Variants in MROH9 observed in about 807,000 individuals in gnomAD.
MROH9 encodes the protein maestro heat-like repeat-containing protein family member 9.
Under a neutral mutation model 98.2 loss-of-function variants are expected in MROH9, and 92 were observed. That is an observed-to-expected ratio of 0.94 (90% confidence interval 0.79 to 1.11). The LOEUF (loss-of-function observed/expected upper bound fraction) is 1.11, where lower values mean the gene tolerates loss of function less well. MROH9 is among the 50% of genes most tolerant of loss of function. The probability of loss-of-function intolerance (pLI) is 0.00; values close to 1 mark genes in which losing one functional copy is unlikely to be tolerated. For synonymous variants in MROH9, 397 were observed against 368.9 expected (o/e 1.08, Z -0.87); for missense variants, 1,057 against 1,014.8 (o/e 1.04, Z -0.57).
intron 8 of MROH9, among the ~76,000 whole-genome samples, chr1:170,972,825 A>ATAT (rs1491471283): frequency 1.2e-3 from 44 of 35,610 alleles, no homozygotes; most frequent in African/African-American, 3.5e-3. Context: ...AAAAAAAAAA[A>ATAT]AAATACACAC....
At position 171,018,551 on chromosome 1, in the gene MROH9, T is replaced by A. The variant is rs561621149; in HGVS notation, c.1908+2215T>A. On this transcript the variant is annotated intron_variant, in intron 17 of 21. Transcript: ENST00000367759. Reference sequence around the variant, plus strand: ...CAAGGACATAGAACTGGACGGAGGATGAGATGGACGAATTGACAGAAGTAG... The same window carrying A: ...CAAGGACATAGAACTGGACGGAGGAAGAGATGGACGAATTGACAGAAGTAG... Among the ~76,000 whole-genome samples, 9 of 152,176 alleles carry A rather than the reference T, an allele frequency of 5.9e-5. No individual in the cohort carries two copies. In the South Asian group the frequency reaches 1.9e-3, roughly 32 times the overall value.
intron 6 of MROH9, 64 bp from the exon 7 acceptor site, chr1:170,965,087 A>G: frequency 1.8e-6 from 2 of 1,124,116 alleles, no homozygotes; most frequent in Non-Finnish European, 2.6e-6. Flanking sequence ...GTTGAAGAAT[A>G]GAGGAAAGGT....
chr1:171,014,257 ATGTG>A lies in MROH9; in HGVS notation c.1734+5_1734+8del. 1.9e-6 allele frequency: 3 copies of A among 1,547,992 alleles called. No homozygotes were observed. Among genetic ancestry groups the A allele is most frequent in the Non-Finnish European group, 2.6e-6 (3 of 1,145,106 alleles). ...ACATGTCACCAATTATCAATAAGGTATGTGTATGTGATTTGTGTCTGCAAGCATC... is the reference window on the plus strand; with the variant it reads ...ACATGTCACCAATTATCAATAAGGTATATGTGATTTGTGTCTGCAAGCATC... On this transcript the variant is annotated splice_donor_5th_base_variant and intron_variant, in intron 16 of 21. Coordinates refer to ENST00000367759, the MANE Select transcript of MROH9 (RefSeq NM_001163629.2).
intron 20 of MROH9, among the ~76,000 whole-genome samples, chr1:171,045,597 T>C (rs1202864577): frequency 6.6e-6 from 1 of 152,216 alleles, no homozygotes; most frequent in Non-Finnish European, 1.5e-5. Context: ...ATTTGTATAG[T>C]TTCCAAAATT....
chr1:170,958,429 C>CTTCT lies in MROH9; in HGVS notation c.73-30_73-29insCTTT, dbSNP rs774545762. ...CACTGCTCTGTAATCATTAATTCTT[C>CTTCT]TTTTTTTTTTTTTTTTTAACATGGT... On this transcript the variant is annotated intron_variant, in intron 3 of 21. Coordinates refer to ENST00000367759, the MANE Select transcript of MROH9 (RefSeq NM_001163629.2). 3,721 of 989,014 alleles carry CTTCT rather than the reference C, an allele frequency of 3.8e-3. 2 individuals are homozygous for CTTCT. The highest frequency in any genetic ancestry group is 4.8e-3 in the South Asian group (267 of 55,658). The allele number at this position is 989,014 out of a possible 1,614,324, so 61.3% of individuals were successfully genotyped here.
At chr1:170,957,953 C>T (rs111578405) in intron 3 of MROH9, among the ~76,000 whole-genome samples, 8,765 of 152,090 alleles carry the variant, frequency 0.058, 362 homozygotes, top group Middle Eastern at 0.13. Flanking sequence ...GGACTACAGG[C>T]GCCCGCTACC....
At chr1:171,010,705 A>G (rs1010667849) in intron 15 of MROH9, among the ~76,000 whole-genome samples, 2 of 152,050 alleles carry the variant, frequency 1.3e-5, no homozygotes, top group African/African-American at 4.8e-5. Flanking sequence ...GCATTTTTTC[A>G]TATGTCTGTT....
intron 15 of MROH9, among the ~76,000 whole-genome samples, chr1:170,999,192 GGGTACA>G (rs1309507321): frequency 2.0e-5 from 3 of 151,876 alleles, no homozygotes. Context: ...TAAGTTATTG[GGGTACA>G]GGTGGTATTT....
Position 171,014,102 on chromosome 1 carries a change from A to G in MROH9, c.1597-15A>G, listed in dbSNP as rs972607044. 1 of 1,547,032 alleles carries G rather than the reference A, an allele frequency of 6.5e-7. No individual in the cohort carries two copies. The highest frequency in any genetic ancestry group is 1.4e-5 in the African/African-American group (1 of 72,862). ...CTCTACTTTGCTTATAAACTTATTA[A>G]CTATTTTCTTTCAGCTTCTGAATAA... On this transcript the variant is annotated splice_polypyrimidine_tract_variant and intron_variant, in intron 15 of 21. Coordinates refer to ENST00000367759, the MANE Select transcript of MROH9 (RefSeq NM_001163629.2).
intron 12 of MROH9, among the ~76,000 whole-genome samples, chr1:170,993,503 A>G (rs1379014758): frequency 6.6e-6 from 1 of 152,192 alleles, no homozygotes; most frequent in East Asian, 1.9e-4. Context: ...AACCATCAGT[A>G]TTGTTTCCTC....
At chr1:171,002,046 A>G (rs1279643198) in intron 15 of MROH9, among the ~76,000 whole-genome samples, 2 of 152,284 alleles carry the variant, frequency 1.3e-5, no homozygotes, top group African/African-American at 2.4e-5. Flanking sequence ...TTTGTCTGAT[A>G]TAAGAATAGC....
At chr1:170,985,484 T>A (rs1571477021) in intron 9 of MROH9, among the ~76,000 whole-genome samples, 2 of 152,280 alleles carry the variant, frequency 1.3e-5, no homozygotes, top group East Asian at 3.9e-4. Flanking sequence ...AAAGCAAACC[T>A]ACCATTTTAT....
At chr1:171,024,311 T>TGTGTGTGG in intron 17 of MROH9, 84 bp from the exon 18 acceptor site, 1 of 888,820 alleles carries the variant, frequency 1.1e-6, no homozygotes, top group Non-Finnish European at 1.8e-6. Context: ...GGGGTGTGTG[T>TGTGTGTGG]GTGTGTGTGT....
intron 6 of MROH9, among the ~76,000 whole-genome samples, chr1:170,962,507 T>A (rs1650053457): frequency 6.6e-6 from 1 of 152,152 alleles, no homozygotes; most frequent in African/African-American, 2.4e-5. Flanking sequence ...CTGCACTGCA[T>A]GTCTTGTGGT....
At position 171,016,234 on chromosome 1, in the gene MROH9, T is replaced by C; in HGVS notation, c.1806T>C (p.Leu602=). The C allele has an allele frequency of 6.5e-7, 1 of 1,541,958 alleles. No individual in the cohort carries two copies. Residue 602 remains leucine, a synonymous_variant, in exon 17 of 22, where the codon CTT becomes CTC. Transcript: ENST00000367759. ...TTTCCAAAGACGATAATGTTGTACT[T>C]CAGGCCTTGCTCACCCTTAGAAGGC... The part of the protein sequence containing the change: ...AFLSKDDNVV[L]QALLTLRRLL...
Position 170,986,728 on chromosome 1 carries a change from A to G in MROH9, c.879+18A>G. The G allele has an allele frequency of 6.2e-7, 1 of 1,611,368 alleles. No individual in the cohort carries two copies. Among genetic ancestry groups the G allele is most frequent in the Non-Finnish European group, 8.5e-7 (1 of 1,178,584 alleles). On this transcript the variant is annotated intron_variant, in intron 10 of 21. Coordinates refer to ENST00000367759, the MANE Select transcript of MROH9 (RefSeq NM_001163629.2). ...TCACCATGGTAAGATACTTGACAATAAGCAGGAGAGCACAGGGTTTACTCT... is the reference window on the plus strand; with the variant it reads ...TCACCATGGTAAGATACTTGACAATGAGCAGGAGAGCACAGGGTTTACTCT...
chr1:171,030,718 G>C (rs1402209804), intron 20 of MROH9, among the ~76,000 whole-genome samples: 1 of 152,102 alleles, frequency 6.6e-6, no homozygotes, highest in Non-Finnish European at 1.5e-5. Flanking sequence ...ATGTGGTCTA[G>C]TTTAGAATCA....
chr1:170,995,864 G>A (rs1343624644), intron 13 of MROH9, among the ~76,000 whole-genome samples: 1 of 152,064 alleles, frequency 6.6e-6, no homozygotes, highest in Non-Finnish European at 1.5e-5. Flanking sequence ...ATACATTTTT[G>A]CTCTGCCATT....
At chr1:171,031,496 A>T (rs1652911054) in intron 20 of MROH9, among the ~76,000 whole-genome samples, 1 of 151,974 alleles carries the variant, frequency 6.6e-6, no homozygotes, top group Non-Finnish European at 1.5e-5. Context: ...AAATCCCTCA[A>T]CATTTGTCTT....
Sources: gnomAD v4.1 joint callset for allele counts (sites outside exome capture counted in the v4.1 genomes callset) on GRCh38, gnomAD v4.1.1 for gene constraint, MANE v1.5 for transcripts, NCBI Gene and HGNC (gene_info 2026-07-23, HGNC 2026-07-21) for gene names.